Variants in CCBE1 observed in about 807,000 individuals in gnomAD.
The protein encoded by CCBE1 is collagen and calcium binding EGF domains 1.
Under a neutral mutation model 50.0 loss-of-function variants are expected in CCBE1, and 37 were observed. The ratio of observed to expected loss-of-function variants is 0.74; its 90% CI spans 0.57 to 0.97. The LOEUF (loss-of-function observed/expected upper bound fraction) is 0.97, where lower values mean the gene tolerates loss of function less well. Ranked by LOEUF, CCBE1 falls within the 50% of genes least tolerant of loss-of-function variation. The pLI is 0.00. For synonymous variants in CCBE1, 234 were observed against 203.7 expected, an observed-to-expected ratio of 1.15 and a Z score of -1.27; for missense variants, 538 against 523.8, an observed-to-expected ratio of 1.03 and a Z score of -0.26.
chr18:59,680,022 A>T (rs2054564285), intron 2 of CCBE1, among the ~76,000 whole-genome samples: 1 of 151,758 alleles, frequency 6.6e-6, no homozygotes, highest in Non-Finnish European at 1.5e-5. Flanking sequence ...TCAGGACGAG[A>T]CCAACTCGGA....
At chr18:59,465,610 T>A (rs562328352) in intron 5 of CCBE1, 4 of 152,208 alleles carry the variant, frequency 2.6e-5, no homozygotes, top group African/African-American at 7.2e-5. Flanking sequence ...AGATGTAAAA[T>A]GCAAGCATAA....
intron 2 of CCBE1, among the ~76,000 whole-genome samples, chr18:59,676,359 G>C (rs1451611069): frequency 6.6e-6 from 1 of 152,192 alleles, no homozygotes; most frequent in Non-Finnish European, 1.5e-5. Context: ...CCCACCCATG[G>C]CAAGTCTATG....
intron 7 of CCBE1, among the ~76,000 whole-genome samples, chr18:59,440,246 A>C (rs1389519301): frequency 2.6e-5 from 4 of 152,196 alleles, no homozygotes; most frequent in Non-Finnish European, 5.9e-5. Context: ...TTTTAGCATC[A>C]GGGAGACTTG....
intron 2 of CCBE1, among the ~76,000 whole-genome samples, chr18:59,618,998 A>G (rs892887239): frequency 5.9e-5 from 9 of 152,240 alleles, no homozygotes; most frequent in African/African-American, 2.2e-4. Flanking sequence ...TCATCTAATA[A>G]AACTTTCATG....
intron 2 of CCBE1, among the ~76,000 whole-genome samples, chr18:59,505,817 G>T (rs887166994): frequency 6.6e-6 from 1 of 152,292 alleles, no homozygotes; most frequent in South Asian, 2.1e-4. Flanking sequence ...TTTGTATAGG[G>T]GGTAAGAAAC....
intron 2 of CCBE1, among the ~76,000 whole-genome samples, chr18:59,602,179 G>A (rs7239709): frequency 1.3e-5 from 2 of 150,814 alleles, no homozygotes; most frequent in African/African-American, 2.4e-5. Context: ...TAATGAAAAC[G>A]TAGGAAAAAT....
intron 2 of CCBE1, among the ~76,000 whole-genome samples, chr18:59,512,184 G>A (rs919427550): frequency 2.6e-5 from 4 of 152,224 alleles, no homozygotes; most frequent in African/African-American, 7.2e-5. Flanking sequence ...GCGAAGTGCT[G>A]GGTAGAGAAG....
intron 2 of CCBE1, among the ~76,000 whole-genome samples, chr18:59,693,203 C>T (rs1026352094): frequency 3.3e-5 from 5 of 152,144 alleles, no homozygotes; most frequent in African/African-American, 1.2e-4. Flanking sequence ...CTAAATGCCA[C>T]CCTACTTCTA....
Position 59,469,574 on chromosome 18 carries a change from T to G in CCBE1, c.299A>C (p.Gln100Pro). The change falls in exon 4 of 11, where the codon CAG becomes CCG. Residue 100 changes from glutamine to proline, a missense_variant. Transcript: ENST00000439986. ...YDVCAEAPCEQQCTDNFGRVL... is the reference protein window; with the variant it reads ...YDVCAEAPCEPQCTDNFGRVL... The stretch of plus-strand genomic sequence containing the variant: ...TCGGCCAAAGTTGTCCGTGCACTGC[T>G]GTTCACAGGGAGCCTCGGCACAAAC... The G allele has an allele frequency of 6.2e-7, 1 of 1,614,182 alleles. No individual in the cohort carries two copies. The highest frequency in any genetic ancestry group is 1.1e-5 in the South Asian group (1 of 91,078).
intron 3 of CCBE1, among the ~76,000 whole-genome samples, chr18:59,472,141 C>T (rs1053353349): frequency 6.6e-6 from 1 of 152,226 alleles, no homozygotes; most frequent in Admixed American, 6.5e-5. Flanking sequence ...GTCCCTGATC[C>T]ACTAGTAACT....
At chr18:59,551,616 C>T (rs1042051988) in intron 2 of CCBE1, among the ~76,000 whole-genome samples, 2 of 152,222 alleles carry the variant, frequency 1.3e-5, no homozygotes, top group African/African-American at 2.4e-5. Flanking sequence ...TTGTGTAGCA[C>T]ATGACTAAAT....
chr18:59,550,998 C>CAAAAAAAAAAAAAAAA lies in CCBE1; in HGVS notation c.213-70776_213-70761dup, dbSNP rs555160847. On this transcript the variant is annotated intron_variant, in intron 2 of 10. Transcript: ENST00000439986. Reference sequence around the variant, plus strand: ...CCAGCCTGGGCAACACAGCGAGACTCAAAAAAAAAAAAAAAAAAAAAAAAA... The same window carrying CAAAAAAAAAAAAAAAA: ...CCAGCCTGGGCAACACAGCGAGACTCAAAAAAAAAAAAAAAAAAAAAAAAAAAAAAAAAAAAAAAAA... Among the ~76,000 whole-genome samples, 181 of 71,370 alleles carry CAAAAAAAAAAAAAAAA rather than the reference C, an allele frequency of 2.5e-3. 1 individual carries two copies. Among genetic ancestry groups the CAAAAAAAAAAAAAAAA allele is most frequent in the Non-Finnish European group, 3.7e-3 (143 of 39,040 alleles). 46.8% of individuals were successfully genotyped at this position (71,370 alleles called of 152,430 possible). A position where few individuals can be genotyped will look rare whatever the true frequency, so the allele number is the denominator to read the frequency against.
intron 10 of CCBE1, among the ~76,000 whole-genome samples, chr18:59,437,903 C>T (rs1019118134): frequency 1.3e-5 from 2 of 152,176 alleles, no homozygotes; most frequent in Admixed American, 1.3e-4. Flanking sequence ...AAAGAGAAAA[C>T]AGCAACAGAA....
intron 2 of CCBE1, among the ~76,000 whole-genome samples, chr18:59,670,178 A>G (rs1321867394): frequency 1.3e-5 from 2 of 152,122 alleles, no homozygotes; most frequent in Non-Finnish European, 2.9e-5. Context: ...CATAAGTGGC[A>G]AAACTCAGAA....
At chr18:59,479,114 A>G (rs1321631714) in intron 3 of CCBE1, among the ~76,000 whole-genome samples, 3 of 152,214 alleles carry the variant, frequency 2.0e-5, no homozygotes, top group Non-Finnish European at 4.4e-5. Flanking sequence ...TGGGCTCTAG[A>G]TCTTCTATAG....
chr18:59,619,867 A>G (rs1417634445), intron 2 of CCBE1, among the ~76,000 whole-genome samples: 1 of 152,164 alleles, frequency 6.6e-6, no homozygotes, highest in East Asian at 1.9e-4. Flanking sequence ...TGATGAAACC[A>G]TTTTTATAAA....
chr18:59,538,957 C>A (rs9954617), intron 2 of CCBE1, among the ~76,000 whole-genome samples: 40 of 152,118 alleles, frequency 2.6e-4, no homozygotes, highest in African/African-American at 9.2e-4. Context: ...ACAGGAGGAC[C>A]GCTTGAGGCC....
intron 2 of CCBE1, among the ~76,000 whole-genome samples, chr18:59,533,400 A>T (rs1047519662): frequency 6.6e-6 from 1 of 152,202 alleles, no homozygotes; most frequent in Non-Finnish European, 1.5e-5. Context: ...ATTCTCCCAT[A>T]AAAGGCCAGT....
intron 5 of CCBE1, among the ~76,000 whole-genome samples, chr18:59,460,749 T>C (rs1247255634): frequency 6.6e-6 from 1 of 151,986 alleles, no homozygotes; most frequent in Non-Finnish European, 1.5e-5. Context: ...CTGGCCAAGA[T>C]GGTGAAACCC....
Sources: gnomAD v4.1 joint callset for allele counts (sites outside exome capture counted in the v4.1 genomes callset) on GRCh38, gnomAD v4.1.1 for gene constraint, MANE v1.5 for transcripts, NCBI Gene and HGNC (gene_info 2026-07-23, HGNC 2026-07-21) for gene names.